Variants in HNRNPU observed in about 807,000 individuals in gnomAD.
HNRNPU encodes HNRNPU antisense RNA 1.
Under a neutral mutation model 94.7 loss-of-function variants are expected in HNRNPU, and 5 were observed. The observed-to-expected ratio is 0.05, with a 90% CI of 0.03 to 0.11. The LOEUF (loss-of-function observed/expected upper bound fraction) is 0.11. Among genes scored for constraint, HNRNPU ranks in the 10% least tolerant of loss-of-function variants. HNRNPU has a pLI of 1.00. For missense variants in HNRNPU, 710 were observed against 1,049.2 expected (o/e 0.68, Z 4.47); for synonymous variants, 434 against 381.6 (o/e 1.14, Z -1.60).
rs768226416 is a variant in HNRNPU at position 244,864,317 on chromosome 1, C to G, written c.-10G>C. On this transcript the variant is annotated 5_prime_UTR_variant, in exon 1 of 14. Transcript: ENST00000640218. ...CAGGCGAGGAACTCATGGTGAGGGC[C>G]CCGATTCACCGCTAGGCGCTGCCTC... 6.2e-7 allele frequency: 1 copy of G among 1,611,952 alleles called. No homozygotes were observed. The highest frequency in any genetic ancestry group is 8.5e-7 in the Non-Finnish European group (1 of 1,179,554).
In HNRNPU at chr1:244,856,010, T is replaced by C; in HGVS notation, c.2061A>G (p.Ser687=). Residue 687 remains serine, a synonymous_variant, in exon 11 of 14, where the codon TCA becomes TCG. Transcript: ENST00000640218. ...CACTCTTATTTTTATTGCTTTTCTTTGAGCCAGTGTTCTGTTTCTTTTCTG... is the reference window on the plus strand; with the variant it reads ...CACTCTTATTTTTATTGCTTTTCTTCGAGCCAGTGTTCTGTTTCTTTTCTG... ...LPPEKKQNTG[S]KKSNKNKSGK... is the part of the protein sequence containing the mutation. The C allele has an allele frequency of 6.2e-7, 1 of 1,614,160 alleles. No individual in the cohort carries two copies. Among genetic ancestry groups the C allele is most frequent in the Non-Finnish European group, 8.5e-7 (1 of 1,179,972 alleles).
At chr1:244,856,682 T>C in intron 9 of HNRNPU, 46 bp downstream of exon 9, 2 of 1,606,090 alleles carry the variant, frequency 1.2e-6, no homozygotes, top group Non-Finnish European at 1.7e-6. Context: ...CACCAATCTA[T>C]CTAAATTATC....
chr1:244,862,610 A>T lies in HNRNPU; in HGVS notation c.803+9T>A, dbSNP rs1404243525. On this transcript the variant is annotated intron_variant, in intron 2 of 13. Coordinates refer to ENST00000640218, the MANE Select transcript of HNRNPU (RefSeq NM_031844.3). ...AAGGGATGAGTAAAACTAGGTGAGC[A>T]TCCTATACCTGCTATACTTGTTCTC... 1 of 1,608,516 alleles carries T rather than the reference A, an allele frequency of 6.2e-7. No homozygotes were observed. Among genetic ancestry groups the T allele is most frequent in the Admixed American group, 1.7e-5 (1 of 60,004 alleles).
At chr1:244,860,536 G>A (rs754103089) in intron 3 of HNRNPU, 62 bp from the exon 4 acceptor site, 2 of 1,344,252 alleles carry the variant, frequency 1.5e-6, no homozygotes, top group Non-Finnish European at 1.0e-6. Context: ...CTGCTATGTA[G>A]ACAAAACTTG....
chr1:244,856,482 T>C lies in HNRNPU; in HGVS notation c.1887A>G (p.Pro629=). ...KKAEVEGKDL[P]EHAVLKMKGN... is the part of the protein sequence containing the mutation. The stretch of plus-strand genomic sequence containing the variant: ...CTTTCATTTTGAGGACCGCATGTTC[T>C]GGTAGGTCTTTCCCCTCTACTTCTG... The change falls in exon 10 of 14, where the codon CCA becomes CCG. Residue 629 remains proline (P), a synonymous_variant. Transcript: ENST00000640218. 6.2e-7 allele frequency: 1 copy of C among 1,612,720 alleles called. No homozygotes were observed. Among genetic ancestry groups the C allele is most frequent in the South Asian group, 1.1e-5 (1 of 90,554 alleles).
rs56937404 is a variant in HNRNPU, at chr1:244,862,395, TA to T, written c.877+65del. 8.3e-3 allele frequency: 6,625 copies of T among 795,010 alleles called. 3 individuals carry two copies. Among genetic ancestry groups the T allele is most frequent in the Non-Finnish European group, 9.1e-3 (4,822 of 528,212 alleles). The allele number at this position is 795,010 out of a possible 1,614,324, so 49.2% of individuals were successfully genotyped here. On this transcript the variant is annotated intron_variant, in intron 3 of 13. Transcript: ENST00000640218. ...TGCTGCACTTAAGCATTAAGACTTC[TA>T]AAAAAAAAAAAAAAAAAACCACCAT...
chr1:244,858,492 C>T (rs1680739704), intron 6 of HNRNPU: 1 of 607,866 alleles, frequency 1.6e-6, no homozygotes, highest in Admixed American at 3.2e-5. Context: ...AGAAGCTAGA[C>T]TGAATTTTCT....
intron 3 of HNRNPU, chr1:244,861,978 T>C (rs1680842760): frequency 6.5e-6 from 1 of 153,216 alleles, no homozygotes; most frequent in Non-Finnish European, 1.5e-5. Flanking sequence ...TGAACTGGAA[T>C]TGAGAACAAA....
At chr1:244,856,891 G>C in intron 8 of HNRNPU, 35 bp from the exon 9 acceptor site, 1 of 1,549,536 alleles carries the variant, frequency 6.5e-7, no homozygotes, top group Non-Finnish European at 8.7e-7. Flanking sequence ...CCTTGAACTT[G>C]TGAATTTTAA....
intron 4 of HNRNPU, chr1:244,859,621 T>C: frequency 3.4e-6 from 1 of 296,718 alleles, no homozygotes; most frequent in Non-Finnish European, 6.1e-6. Context: ...GTTCATGTTG[T>C]CAGTCTTTAA....
chr1:244,857,756 G>A (rs1486324955), intron 7 of HNRNPU, 39 bp from the exon 8 acceptor site: 1 of 1,600,080 alleles, frequency 6.2e-7, no homozygotes, highest in Non-Finnish European at 8.5e-7. Context: ...ACTGTCAGTA[G>A]ACACCACCTA....
chr1:244,863,026 G>T, intron 1 of HNRNPU: 1 of 354,688 alleles, frequency 2.8e-6, no homozygotes, highest in Non-Finnish European at 5.1e-6. Flanking sequence ...GAGAGGGGGA[G>T]GGGCCGAGCC....
At chr1:244,857,757 A>T in intron 7 of HNRNPU, 40 bp from the exon 8 acceptor site, 1 of 1,599,674 alleles carries the variant, frequency 6.3e-7, no homozygotes, top group Non-Finnish European at 8.5e-7. Flanking sequence ...CTGTCAGTAG[A>T]CACCACCTAA....
intron 1 of HNRNPU, chr1:244,863,041 G>C (rs963143253): frequency 3.1e-6 from 1 of 327,156 alleles, no homozygotes; most frequent in African/African-American, 2.2e-5. Context: ...CGAGCCCGGC[G>C]CGGCGGCGCT....
At chr1:244,862,286 A>C (rs1341437689) in intron 3 of HNRNPU, 175 bp downstream of exon 3, 11 of 576,676 alleles carry the variant, frequency 1.9e-5, no homozygotes, top group Non-Finnish European at 3.0e-5. Context: ...ACTTAATACA[A>C]CTGATGACGT....
rs1370247930 is a variant in HNRNPU at position 244,854,934 on chromosome 1, T to C, written c.2424+39A>G. The C allele has an allele frequency of 2.8e-6, 4 of 1,443,734 alleles. No individual in the cohort carries two copies. The Admixed American group carries it at 6.7e-5, about 24-fold the overall frequency. The allele number at this position is 1,443,734 out of a possible 1,614,324, so 89.4% of individuals were successfully genotyped here. ...ACTGATAAATCTTAGGAACTCAAAA[T>C]ACAATTAATGTACATAAAGCACATA... On this transcript the variant is annotated intron_variant, in intron 13 of 13. Transcript: ENST00000640218.
chr1:244,856,911 C>T, intron 8 of HNRNPU, 55 bp from the exon 9 acceptor site: 1 of 1,459,776 alleles, frequency 6.9e-7, no homozygotes, highest in Non-Finnish European at 9.3e-7. Context: ...ATAAGTTATG[C>T]TTTTTAAAAT....
Position 244,863,907 on chromosome 1 carries a change from T to A in HNRNPU, c.401A>T (p.Asp134Val), listed in dbSNP as rs1680927724. Residue 134 changes from aspartate (D) to valine (V), a missense_variant, in exon 1 of 14, where the codon GAC becomes GTC. Transcript: ENST00000640218. ...TTCCCCTTCCTGGAAACCCTGATCG[T>A]CGCCGTTCTCGTCTTCCGAGGCGGC... ...EEAASEDENGDDQGFQEGEDE... is the reference protein window; with the variant it reads ...EEAASEDENGVDQGFQEGEDE... 1 of 1,613,732 alleles carries A rather than the reference T, an allele frequency of 6.2e-7. No individual in the cohort carries two copies. Among genetic ancestry groups the A allele is most frequent in the African/African-American group, 1.3e-5 (1 of 74,880 alleles).
At chr1:244,860,059 G>C (rs1412623123) in intron 4 of HNRNPU, 5 of 327,442 alleles carry the variant, frequency 1.5e-5, no homozygotes, top group Non-Finnish European at 2.8e-5. Context: ...CCAGCACTTT[G>C]GGACGCCGAG....
Sources: gnomAD v4.1 joint callset for allele counts on GRCh38, gnomAD v4.1.1 for gene constraint, MANE v1.5 for transcripts, NCBI Gene and HGNC (gene_info 2026-07-23, HGNC 2026-07-21) for gene names.